Variants in MYH13 observed in about 807,000 individuals in gnomAD.
The protein encoded by MYH13 is myosin-13.
In MYH13, 177 loss-of-function variants were observed where a neutral mutation model predicts 232.1. The observed-to-expected ratio is 0.76, with a 90% CI of 0.67 to 0.86. The LOEUF (loss-of-function observed/expected upper bound fraction) is 0.86, where lower values mean the gene tolerates loss of function less well. Ranked by LOEUF, MYH13 falls within the 40% of genes least tolerant of loss-of-function variation. The pLI is 0.00. For synonymous variants in MYH13, 884 were observed against 923.5 expected (o/e 0.96, Z 0.78); for missense variants, 2,246 against 2,405.9 (o/e 0.93, Z 1.39).
chr17:10,309,197 G>C lies in MYH13; in HGVS notation c.5169+37C>G, dbSNP rs763458426. The C allele has an allele frequency of 9.4e-6, 15 of 1,599,372 alleles. 2 individuals carry two copies. In the Admixed American group the frequency reaches 2.5e-4, roughly 27 times the overall value. On this transcript the variant is annotated intron_variant, in intron 35 of 40. Coordinates refer to ENST00000252172, the MANE Select transcript of MYH13 (RefSeq NM_003802.3). ...GGTGCAGGAGGCGCTATCTGCCCCA[G>C]GGTGGACCTTCAGCGGAGGAGTGAG...
intron 20 of MYH13, among the ~76,000 whole-genome samples, chr17:10,331,082 C>G (rs188888382): frequency 6.6e-6 from 1 of 152,176 alleles, no homozygotes; most frequent in East Asian, 1.9e-4. Context: ...CAGGCCCCAC[C>G]AACCCACAGA....
At chr17:10,327,383 C>T (rs1160590902) in intron 22 of MYH13, among the ~76,000 whole-genome samples, 1 of 150,410 alleles carries the variant, frequency 6.6e-6, no homozygotes, top group East Asian at 2.0e-4. Context: ...TGGGCTCAAG[C>T]GATCCTCCCA....
rs371243917 is a variant in MYH13, at chr17:10,301,581, G to A, written c.5790C>T (p.Asp1930=). The A allele has an allele frequency of 4.6e-5, 74 of 1,614,146 alleles. No homozygotes were observed. The highest frequency in any genetic ancestry group is 4.5e-4 in the East Asian group (20 of 44,874). The change falls in exon 40 of 41, where the codon GAC becomes GAT. Residue 1930 remains aspartate, a synonymous_variant. Coordinates refer to ENST00000252172, the MANE Select transcript of MYH13 (RefSeq NM_003802.3). Reference sequence around the variant, plus strand: ...TACCTGCTCTTACCTGGCTGCCCACGTCTCGGCTCTTGGCCCTCAGCTTGT... The same window carrying A: ...TACCTGCTCTTACCTGGCTGCCCACATCTCGGCTCTTGGCCCTCAGCTTGT... The part of the protein sequence containing the change: ...QVNKLRAKSR[D]VGSQKMEE
intron 11 of MYH13, among the ~76,000 whole-genome samples, chr17:10,353,974 ACT>A (rs1276015419): frequency 4.0e-5 from 6 of 151,114 alleles, no homozygotes; most frequent in East Asian, 3.9e-4. Flanking sequence ...GAAGGGAAAG[ACT>A]CTGTCATTGA....
At chr17:10,328,197 A>C in intron 21 of MYH13, 76 bp from the exon 22 acceptor site, 1 of 1,523,134 alleles carries the variant, frequency 6.6e-7, no homozygotes, top group East Asian at 2.3e-5. Context: ...TCCCCGACGG[A>C]CCCCATCCTC....
At chr17:10,325,722 G>T (rs1164185282) in intron 22 of MYH13, among the ~76,000 whole-genome samples, 1 of 152,146 alleles carries the variant, frequency 6.6e-6, no homozygotes, top group Non-Finnish European at 1.5e-5. Context: ...CTGTTGCCAG[G>T]CTGGAGTGCA....
intron 2 of MYH13, among the ~76,000 whole-genome samples, chr17:10,368,351 GC>G (rs1230016366): frequency 6.6e-6 from 1 of 152,170 alleles, no homozygotes; most frequent in East Asian, 1.9e-4. Flanking sequence ...GAACATGTTT[GC>G]CAAATATCCA....
chr17:10,323,481 T>C (rs1292460757), intron 23 of MYH13, among the ~76,000 whole-genome samples: 1 of 151,828 alleles, frequency 6.6e-6, no homozygotes, highest in Non-Finnish European at 1.5e-5. Context: ...GAAGAGCCTA[T>C]GGGGCCGGGC....
Position 10,362,461 on chromosome 17 carries a change from GA to G in MYH13, c.246del (p.Lys84AsnfsTer10). ...LNNDQVFPMN[P>X]PKFDKIEDMA... Reference sequence around the variant, plus strand: ...ATGTCCTCGATCTTGTCAAATTTGGGAGGGTTCATGGGGAAGACCTGGTCAT... The same window carrying G: ...ATGTCCTCGATCTTGTCAAATTTGGGGGGTTCATGGGGAAGACCTGGTCAT... On this transcript the variant is annotated frameshift_variant, in exon 4 of 41. Coordinates refer to ENST00000252172, the MANE Select transcript of MYH13 (RefSeq NM_003802.3). LOFTEE classifies it high-confidence loss of function. The G allele has an allele frequency of 6.2e-7, 1 of 1,614,164 alleles. No homozygotes were observed. The highest frequency in any genetic ancestry group is 8.5e-7 in the Non-Finnish European group (1 of 1,180,040).
chr17:10,306,984 C>T lies in MYH13; in HGVS notation c.5250G>A (p.Gln1750=). Residue 1750 remains glutamine (Q), a synonymous_variant, in exon 36 of 41, where the codon CAG becomes CAA. Transcript: ENST00000252172. The surrounding 1 kb of genome is among the most constrained non-coding windows in gnomAD (Gnocchi z 4.3). ...CCTTCTCCTCTGCGTTCCTGGACTC[C>T]TGGATCGAGTTCTCCACCTCTGCCT... ...QCQAEVENSI[Q]ESRNAEEKAK... is the part of the protein sequence containing the mutation. The T allele has an allele frequency of 1.2e-6, 2 of 1,614,036 alleles. No homozygotes were observed. Among genetic ancestry groups the T allele is most frequent in the South Asian group, 1.1e-5 (1 of 91,082 alleles).
intron 30 of MYH13, 107 bp downstream of exon 30, chr17:10,313,051 A>G (rs1906569210): frequency 6.5e-7 from 1 of 1,540,614 alleles, no homozygotes; most frequent in Non-Finnish European, 8.8e-7. Flanking sequence ...GTGTTTCAGA[A>G]ACCACAAAGG....
intron 2 of MYH13, among the ~76,000 whole-genome samples, chr17:10,365,759 T>C (rs2071829423): frequency 6.6e-6 from 1 of 152,272 alleles, no homozygotes; most frequent in Admixed American, 6.5e-5. Context: ...AAACGCGGTC[T>C]CTAAACTTTG....
In MYH13 at chr17:10,315,691, A is replaced by T; in HGVS notation, c.3984+2T>A. 1 of 1,613,214 alleles carries T rather than the reference A, an allele frequency of 6.2e-7. No homozygotes were observed. Among genetic ancestry groups the T allele is most frequent in the South Asian group, 1.1e-5 (1 of 90,958 alleles). On this transcript the variant is annotated splice_donor_variant, in intron 29 of 40. Coordinates refer to ENST00000252172, the MANE Select transcript of MYH13 (RefSeq NM_003802.3). LOFTEE classifies it high-confidence loss of function. Reference sequence around the variant, plus strand: ...AGGTTCAATCTGACTCTATATCTTTACCTTGGTTTCTTCTTCCATTTGCCT... The same window carrying T: ...AGGTTCAATCTGACTCTATATCTTTTCCTTGGTTTCTTCTTCCATTTGCCT...
chr17:10,326,562 C>T (rs571174620), intron 22 of MYH13, among the ~76,000 whole-genome samples: 3 of 151,962 alleles, frequency 2.0e-5, no homozygotes, highest in African/African-American at 7.2e-5. Context: ...CCTCCACCTC[C>T]TGGGTTCAAG....
intron 27 of MYH13, among the ~76,000 whole-genome samples, chr17:10,316,680 C>A (rs1906725551): frequency 6.6e-6 from 1 of 152,198 alleles, no homozygotes; most frequent in Admixed American, 6.5e-5. Flanking sequence ...ATTCAGATGA[C>A]AGTGTTAAGC....
intron 22 of MYH13, among the ~76,000 whole-genome samples, 155 bp from the exon 23 acceptor site, chr17:10,324,419 G>A (rs183227641): frequency 3.3e-5 from 5 of 151,300 alleles, no homozygotes; most frequent in African/African-American, 4.9e-5. Context: ...GCACACACAC[G>A]TGTACATAAA....
chr17:10,301,590 C>T lies in MYH13; in HGVS notation c.5781G>A (p.Lys1927=), dbSNP rs1364248428. 2 of 1,614,224 alleles carry T rather than the reference C, an allele frequency of 1.2e-6. No individual in the cohort carries two copies. The highest frequency in any genetic ancestry group is 1.3e-5 in the African/African-American group (1 of 75,054). ...TTACCTGGCTGCCCACGTCTCGGCT[C>T]TTGGCCCTCAGCTTGTTGACCTGGG... ...AESQVNKLRA[K]SRDVGSQKME... Residue 1927 remains lysine (K), a synonymous_variant, in exon 40 of 41, where the codon AAG becomes AAA. Transcript: ENST00000252172.
In MYH13 at chr17:10,351,252, C is replaced by A. The variant is rs1289937218; in HGVS notation, c.1006-558G>T. Among the ~76,000 whole-genome samples the A allele has an allele frequency of 5.0e-5, 6 of 119,960 alleles. 1 individual carries two copies. The highest frequency in any genetic ancestry group is 4.4e-4 in the Admixed American group (5 of 11,274). The allele number at this position is 119,960 out of a possible 152,430, so 78.7% of individuals were successfully genotyped here. ...AAAAAAAAAGAGAACTGATTATGAT[C>A]TTTTCTCACTGTACATAGATTTGGG... On this transcript the variant is annotated intron_variant, in intron 11 of 40. Coordinates refer to ENST00000252172, the MANE Select transcript of MYH13 (RefSeq NM_003802.3).
At chr17:10,308,443 C>CTTTTTTT (rs57432823) in intron 35 of MYH13, among the ~76,000 whole-genome samples, 1 of 113,110 alleles carries the variant, frequency 8.8e-6, no homozygotes, top group Non-Finnish European at 1.7e-5. Context: ...TTAATTAAAA[C>CTTTTTTT]TTTTTTTTTT....
Sources: allele counts gnomAD v4.1 joint callset (sites outside exome capture counted in the v4.1 genomes callset), GRCh38; gene constraint gnomAD v4.1.1; non-coding constraint Gnocchi (gnomAD v3.1); transcripts MANE v1.5; gene names NCBI Gene and HGNC (gene_info 2026-07-23, HGNC 2026-07-21).